P4HA1: variants seen among roughly 807,000 people sequenced by gnomAD.
P4HA1 encodes prolyl 4-hydroxylase subunit alpha-1.
Under a neutral mutation model 72.8 loss-of-function variants are expected in P4HA1, and 24 were observed. The observed-to-expected ratio is 0.33, with a 90% CI of 0.24 to 0.46. P4HA1 has a LOEUF of 0.46. Ranked by LOEUF, P4HA1 falls within the 20% of genes least tolerant of loss-of-function variation. The pLI, the probability that P4HA1 is intolerant of heterozygous loss-of-function variation, is 1.00. For missense variants in P4HA1, 446 were observed against 640.6 expected (o/e 0.70, Z 3.28); for synonymous variants, 201 against 218.8 (o/e 0.92, Z 0.72).
intron 10 of P4HA1, among the ~76,000 whole-genome samples, chr10:73,021,279 A>G (rs900579881): frequency 1.3e-5 from 2 of 152,170 alleles, no homozygotes; most frequent in Non-Finnish European, 2.9e-5. Flanking sequence ...AAAACTAAAA[A>G]TAGATCTACC....
At chr10:73,043,670 A>G (rs1840787923) in intron 9 of P4HA1, among the ~76,000 whole-genome samples, 1 of 152,204 alleles carries the variant, frequency 6.6e-6, no homozygotes, top group Non-Finnish European at 1.5e-5. Context: ...GAGCCTCAAC[A>G]GACATTATGT....
At chr10:73,043,522 C>G (rs938667669) in intron 9 of P4HA1, among the ~76,000 whole-genome samples, 4 of 152,178 alleles carry the variant, frequency 2.6e-5, no homozygotes, top group East Asian at 3.8e-4. Context: ...TACGCAATAC[C>G]TGCAGCTACT....
chr10:73,008,192 A>G lies in P4HA1; in HGVS notation c.*30T>C. Reference sequence around the variant, plus strand: ...GTGTATATCAGACACATAAGAGTACAACAATAGGAGAAAAAGGGAAGCCTG... The same window carrying G: ...GTGTATATCAGACACATAAGAGTACGACAATAGGAGAAAAAGGGAAGCCTG... On this transcript the variant is annotated 3_prime_UTR_variant, in exon 15 of 15. Transcript: ENST00000394890. 1.4e-6 allele frequency: 2 copies of G among 1,436,698 alleles called. No individual in the cohort carries two copies. The highest frequency in any genetic ancestry group is 1.4e-5 in the African/African-American group (1 of 70,942). 89.0% of individuals were successfully genotyped at this position (1,436,698 alleles called of 1,614,324 possible).
At chr10:73,090,882 G>A (rs1842013910) in intron 1 of P4HA1, among the ~76,000 whole-genome samples, 1 of 151,736 alleles carries the variant, frequency 6.6e-6, no homozygotes, top group Admixed American at 6.6e-5. Flanking sequence ...CCAAGATGGT[G>A]ACACCCTGTC....
chr10:73,059,053 C>T (rs1416910112), intron 5 of P4HA1, among the ~76,000 whole-genome samples: 2 of 152,012 alleles, frequency 1.3e-5, no homozygotes, highest in Non-Finnish European at 1.5e-5. Flanking sequence ...GCTGGGATTA[C>T]AGGTGTGAGC....
At chr10:73,073,622 C>T in intron 3 of P4HA1, 109 bp downstream of exon 3, 1 of 670,872 alleles carries the variant, frequency 1.5e-6, no homozygotes, top group South Asian at 1.7e-5. Flanking sequence ...TTGCAACTGG[C>T]TTTGTAAGAC....
intron 8 of P4HA1, among the ~76,000 whole-genome samples, chr10:73,045,866 C>A (rs534474652): frequency 3.5e-4 from 49 of 140,648 alleles, no homozygotes; most frequent in South Asian, 2.8e-3. Flanking sequence ...ATAATGTAAT[C>A]TTTGGCCAAA....
At chr10:73,067,612 A>T (rs1309172337) in intron 5 of P4HA1, among the ~76,000 whole-genome samples, 1 of 152,168 alleles carries the variant, frequency 6.6e-6, no homozygotes, top group Non-Finnish European at 1.5e-5. Flanking sequence ...TGAATATGAT[A>T]TGCTCTCTCC....
rs551156846 is a variant in P4HA1, at chr10:73,059,653, G to A, written c.464-6063C>T. Among the ~76,000 whole-genome samples the A allele has an allele frequency of 1.5e-4, 22 of 151,200 alleles. No homozygotes were observed. The South Asian group carries it at 4.6e-3, about 31-fold the overall frequency. On this transcript the variant is annotated intron_variant, in intron 5 of 14. Coordinates refer to ENST00000394890, the MANE Select transcript of P4HA1 (RefSeq NM_001017962.3). Reference sequence around the variant, plus strand: ...AGCTACTCAGGAGGCTGAGACAGGAGAATGGCGTGAACCCGGGAGGCAGAG... The same window carrying A: ...AGCTACTCAGGAGGCTGAGACAGGAAAATGGCGTGAACCCGGGAGGCAGAG...
At chr10:73,067,532 C>G (rs901700672) in intron 5 of P4HA1, among the ~76,000 whole-genome samples, 4 of 152,144 alleles carry the variant, frequency 2.6e-5, no homozygotes, top group Non-Finnish European at 4.4e-5. Context: ...AAAGCCAAAC[C>G]CCCATATCCA....
At chr10:73,014,904 T>C (rs1427598147) in intron 11 of P4HA1, among the ~76,000 whole-genome samples, 1 of 151,292 alleles carries the variant, frequency 6.6e-6, no homozygotes, top group African/African-American at 2.4e-5. Flanking sequence ...TCTCAGCTCA[T>C]TGCAACCTCC....
intron 10 of P4HA1, among the ~76,000 whole-genome samples, chr10:73,029,204 G>C (rs961978094): frequency 1.3e-5 from 2 of 151,880 alleles, no homozygotes; most frequent in Non-Finnish European, 2.9e-5. Context: ...TTGAGGTCAG[G>C]AGTTCAAGAG....
intron 5 of P4HA1, among the ~76,000 whole-genome samples, chr10:73,066,753 T>C (rs1200027285): frequency 6.6e-6 from 1 of 152,168 alleles, no homozygotes; most frequent in Admixed American, 6.5e-5. Flanking sequence ...CATGCTGTTC[T>C]TGTGACAGTG....
At chr10:73,026,443 A>G (rs1443070247) in intron 10 of P4HA1, among the ~76,000 whole-genome samples, 1 of 152,250 alleles carries the variant, frequency 6.6e-6, no homozygotes, top group Admixed American at 6.5e-5. Context: ...TACACTTTAT[A>G]TAACAATTAA....
At chr10:73,075,681 G>A (rs1351040163) in intron 1 of P4HA1, among the ~76,000 whole-genome samples, 1 of 151,432 alleles carries the variant, frequency 6.6e-6, no homozygotes, top group East Asian at 1.9e-4. Context: ...AGAGCTTTCT[G>A]TTAATCCTTA....
intron 10 of P4HA1, among the ~76,000 whole-genome samples, chr10:73,025,676 C>T (rs1840249062): frequency 6.6e-6 from 1 of 151,932 alleles, no homozygotes; most frequent in African/African-American, 2.4e-5. Flanking sequence ...TCAAATTGTC[C>T]CTGTTTGCAG....
intron 9 of P4HA1, among the ~76,000 whole-genome samples, chr10:73,031,101 T>C (rs1840423122): frequency 6.6e-6 from 1 of 152,208 alleles, no homozygotes; most frequent in Non-Finnish European, 1.5e-5. Flanking sequence ...AGCCAAAAAG[T>C]AGAAACTACC....
chr10:73,059,509 C>T (rs1460201837), intron 5 of P4HA1, among the ~76,000 whole-genome samples: 4 of 142,018 alleles, frequency 2.8e-5, no homozygotes, highest in Non-Finnish European at 3.0e-5. Context: ...TTTGGGAGGC[C>T]AAGGCAGGTG....
At chr10:73,094,858 G>C (rs1311195807) in intron 1 of P4HA1, among the ~76,000 whole-genome samples, 1 of 152,086 alleles carries the variant, frequency 6.6e-6, no homozygotes, top group Non-Finnish European at 1.5e-5. Flanking sequence ...ATAATTAAAA[G>C]TTGTACACAT....
Sources: gnomAD v4.1 joint callset for allele counts (sites outside exome capture counted in the v4.1 genomes callset) on GRCh38, gnomAD v4.1.1 for gene constraint, MANE v1.5 for transcripts, NCBI Gene and HGNC (gene_info 2026-07-23, HGNC 2026-07-21) for gene names.